The following TLK1 variants were observed in gnomAD, a reference collection of about 807,000 sequenced individuals.
TLK1 encodes tousled like kinase 1, also known as serine/threonine-protein kinase tousled-like 1.
Under a neutral mutation model 105.3 loss-of-function variants are expected in TLK1, and 24 were observed. That is an observed-to-expected ratio of 0.23 (90% CI 0.17 to 0.32). The LOEUF (loss-of-function observed/expected upper bound fraction) is 0.32. Among genes scored for constraint, TLK1 ranks in the 10% least tolerant of loss-of-function variants. The pLI, the probability that TLK1 is intolerant of heterozygous loss-of-function variation, is 1.00. For missense variants in TLK1, 558 were observed against 910.5 expected (o/e 0.61, Z 4.98); for synonymous variants, 321 against 310.4 (o/e 1.03, Z -0.36).
chr2:171,085,293 G>A (rs1375814663), intron 2 of TLK1, among the ~76,000 whole-genome samples: 1 of 151,992 alleles, frequency 6.6e-6, no homozygotes, highest in Non-Finnish European at 1.5e-5. Context: ...GGGAGGCTGA[G>A]GCAGGAGAAT....
intron 1 of TLK1, among the ~76,000 whole-genome samples, chr2:171,171,646 GAAAC>G (rs1272751364): frequency 6.6e-6 from 1 of 151,710 alleles, no homozygotes; most frequent in Non-Finnish European, 1.5e-5. Context: ...TAATATAGTA[GAAAC>G]AAACAAAAAC....
At chr2:171,207,116 A>C (rs954160839) in intron 1 of TLK1, among the ~76,000 whole-genome samples, 1 of 152,246 alleles carries the variant, frequency 6.6e-6, no homozygotes, top group Non-Finnish European at 1.5e-5. Flanking sequence ...TAGAAACTTT[A>C]TTCATAATTG....
intron 1 of TLK1, among the ~76,000 whole-genome samples, chr2:171,129,105 C>CT (rs1690990791): frequency 1.3e-5 from 2 of 152,294 alleles, no homozygotes; most frequent in South Asian, 4.1e-4. Flanking sequence ...AAAACTTGAG[C>CT]TGGTAATTAC....
At chr2:171,135,257 G>A (rs774157791) in intron 1 of TLK1, among the ~76,000 whole-genome samples, 8 of 151,670 alleles carry the variant, frequency 5.3e-5, no homozygotes, top group East Asian at 3.9e-4. Flanking sequence ...GGAGGTGACC[G>A]ATATGTTAAT....
intron 1 of TLK1, among the ~76,000 whole-genome samples, chr2:171,127,277 CAA>C (rs772854408): frequency 3.5e-4 from 18 of 51,204 alleles, no homozygotes; most frequent in Admixed American, 6.3e-4. Context: ...ACTCCCGTCT[CAA>C]AAAAAAAAAA....
chr2:171,053,076 T>C (rs2105434327), intron 8 of TLK1, among the ~76,000 whole-genome samples: 1 of 152,330 alleles, frequency 6.6e-6, no homozygotes, highest in Admixed American at 6.5e-5. Context: ...AGTATACTTC[T>C]AGATGTATTT....
chr2:171,122,664 ACT>A (rs1174955694), intron 1 of TLK1, among the ~76,000 whole-genome samples: 6 of 150,576 alleles, frequency 4.0e-5, no homozygotes, highest in South Asian at 4.2e-4. Flanking sequence ...TTTTGGAGAC[ACT>A]CTGTCGCCCA....
chr2:171,207,266 T>C (rs141280277), intron 1 of TLK1, among the ~76,000 whole-genome samples: 21 of 152,314 alleles, frequency 1.4e-4, no homozygotes, highest in African/African-American at 5.1e-4. Flanking sequence ...CTAAAATACA[T>C]ATTACTAAGT....
intron 1 of TLK1, among the ~76,000 whole-genome samples, chr2:171,188,902 A>T (rs975760639): frequency 3.3e-5 from 5 of 151,860 alleles, no homozygotes; most frequent in Admixed American, 6.6e-5. Context: ...TTCAAGCAAA[A>T]TACCTCATAG....
chr2:171,141,355 T>C (rs1030841128), intron 1 of TLK1, among the ~76,000 whole-genome samples: 4 of 152,190 alleles, frequency 2.6e-5, no homozygotes, highest in Admixed American at 6.5e-5. Context: ...ATGTGAGGAA[T>C]TGAATTTTTA....
intron 1 of TLK1, among the ~76,000 whole-genome samples, chr2:171,122,642 AT>A (rs757550848): frequency 0.025 from 3,571 of 144,092 alleles, 74 homozygotes; most frequent in African/African-American, 0.062. Flanking sequence ...GACAGAAACA[AT>A]TTTTTTTTTT....
chr2:171,001,739 G>A (rs1432663135), intron 18 of TLK1, among the ~76,000 whole-genome samples: 1 of 152,018 alleles, frequency 6.6e-6, no homozygotes, highest in East Asian at 1.9e-4. Flanking sequence ...ATCTGTTCAG[G>A]CAGCTATCCT....
chr2:171,033,880 A>G (rs1200670550), intron 11 of TLK1, among the ~76,000 whole-genome samples: 3 of 149,828 alleles, frequency 2.0e-5, no homozygotes, highest in Non-Finnish European at 4.5e-5. Context: ...AGGGTTTAGT[A>G]TCCAGATTTT....
chr2:171,052,269 A>G lies in TLK1; in HGVS notation c.732+1492T>C, dbSNP rs955353941. On this transcript the variant is annotated intron_variant, in intron 8 of 20. Coordinates refer to ENST00000431350, the MANE Select transcript of TLK1 (RefSeq NM_012290.5). ...GTGAGACCCTGTCACTTAGCGGGGG[A>G]AAAAAAAGACCAGACCAAAAAACCT... Among the ~76,000 whole-genome samples, 12 of 152,056 alleles carry G rather than the reference A, an allele frequency of 7.9e-5. No homozygotes were observed. The South Asian group carries it at 8.3e-4, about 11-fold the overall frequency.
At chr2:171,044,178 T>C (rs924603144) in intron 11 of TLK1, among the ~76,000 whole-genome samples, 1 of 152,106 alleles carries the variant, frequency 6.6e-6, no homozygotes, top group Non-Finnish European at 1.5e-5. Context: ...TCCCAGCACT[T>C]TGGGAAACCA....
intron 11 of TLK1, among the ~76,000 whole-genome samples, chr2:171,034,063 G>A (rs527832991): frequency 5.9e-5 from 9 of 152,144 alleles, no homozygotes; most frequent in South Asian, 2.1e-4. Flanking sequence ...CAAAATTACC[G>A]TGAGATATCA....
chr2:171,014,610 G>A (rs1377244410), intron 13 of TLK1, among the ~76,000 whole-genome samples: 1 of 152,180 alleles, frequency 6.6e-6, no homozygotes, highest in East Asian at 1.9e-4. Context: ...CATCCAGGCA[G>A]AGGAAATGGT....
chr2:171,074,787 CTAACA>C (rs753537042), intron 3 of TLK1, among the ~76,000 whole-genome samples: 7 of 151,988 alleles, frequency 4.6e-5, no homozygotes, highest in Non-Finnish European at 8.8e-5. Flanking sequence ...ATTTATCACA[CTAACA>C]TATTTTAGAA....
intron 10 of TLK1, 97 bp downstream of exon 10, chr2:171,049,717 C>G (rs958221890): frequency 1.4e-6 from 2 of 1,427,634 alleles, no homozygotes; most frequent in African/African-American, 2.9e-5. Context: ...TTCAGAGTAG[C>G]GAGGAACTGG....
Sources: gnomAD v4.1 joint callset for allele counts (sites outside exome capture counted in the v4.1 genomes callset) on GRCh38, gnomAD v4.1.1 for gene constraint, MANE v1.5 for transcripts, NCBI Gene and HGNC (gene_info 2026-07-23, HGNC 2026-07-21) for gene names.